Variants in SPON1 observed in about 807,000 individuals in gnomAD.
The protein encoded by SPON1 is spondin-1.
A neutral mutation model predicts 111.7 loss-of-function variants in SPON1; 52 were observed. The ratio of observed to expected loss-of-function variants is 0.47; its 90% confidence interval spans 0.37 to 0.59. The LOEUF (loss-of-function observed/expected upper bound fraction) is 0.59, where lower values mean the gene tolerates loss of function less well. Ranked by LOEUF, SPON1 falls within the 20% of genes least tolerant of loss-of-function variation. SPON1 has a pLI of 0.00. For synonymous variants in SPON1, 410 were observed against 395.8 expected (o/e 1.04, Z -0.43); for missense variants, 957 against 1,068.5 (o/e 0.90, Z 1.46).
intron 6 of SPON1, among the ~76,000 whole-genome samples, chr11:14,148,084 A>G (rs2133866932): frequency 6.6e-6 from 1 of 152,332 alleles, no homozygotes; most frequent in East Asian, 1.9e-4. Context: ...AAATTTATAT[A>G]CACAGATATA....
intron 2 of SPON1, among the ~76,000 whole-genome samples, chr11:13,992,820 C>G (rs558397808): frequency 6.6e-6 from 1 of 151,988 alleles, no homozygotes; most frequent in Admixed American, 6.5e-5. Flanking sequence ...ATTCCCTGAC[C>G]CCTTGCTCTT....
At chr11:14,003,008 T>C (rs1363098777) in intron 2 of SPON1, among the ~76,000 whole-genome samples, 1 of 152,154 alleles carries the variant, frequency 6.6e-6, no homozygotes, top group Non-Finnish European at 1.5e-5. Context: ...TGTTGTTCAC[T>C]TCTCGACCCC....
chr11:14,215,035 C>A (rs1360445181), intron 6 of SPON1, among the ~76,000 whole-genome samples: 1 of 152,078 alleles, frequency 6.6e-6, no homozygotes, highest in African/African-American at 2.4e-5. Context: ...TTCTACTCTG[C>A]CTTTTTTATG....
At chr11:14,075,766 G>C (rs377461791) in intron 4 of SPON1, among the ~76,000 whole-genome samples, 1 of 152,136 alleles carries the variant, frequency 6.6e-6, no homozygotes, top group Non-Finnish European at 1.5e-5. Flanking sequence ...AGTCTGTAAT[G>C]GTTCTTTGGA....
rs1849204383 is a variant in SPON1 at position 14,262,885 on chromosome 11, C to A, written c.2170C>A (p.Pro724Thr). 1 of 1,613,672 alleles carries A rather than the reference C, an allele frequency of 6.2e-7. No individual in the cohort carries two copies. The highest frequency in any genetic ancestry group is 1.7e-5 in the Admixed American group (1 of 59,990). Residue 724 changes from proline to threonine, a missense_variant, in exon 15 of 16, where the codon CCA becomes ACA. Pro to Thr is a conservative substitution (Grantham distance 38). Transcript: ENST00000576479. The part of the protein sequence containing the change: ...KCRIRKCLRN[P>T]SIQKLRWREA... The stretch of plus-strand genomic sequence containing the variant: ...CCGCATCCGAAAATGCCTTCGAAAT[C>A]CATCCATCCAAAAGCTACGCTGGAG...
chr11:14,075,639 T>A lies in SPON1; in HGVS notation c.553+221T>A, dbSNP rs540747798. ...GCTTGATTCCCTGGGTAGAAGATAA[T>A]GTACCTTATATTGGTGTCGTCTTCT... On this transcript the variant is annotated intron_variant, in intron 4 of 15. Transcript: ENST00000576479. Among the ~76,000 whole-genome samples, 5 of 152,332 alleles carry A rather than the reference T, an allele frequency of 3.3e-5. No individual in the cohort carries two copies. In the South Asian group the frequency reaches 1.0e-3, roughly 32 times the overall value.
chr11:14,087,516 G>A (rs532402085), intron 5 of SPON1, among the ~76,000 whole-genome samples: 1 of 152,234 alleles, frequency 6.6e-6, no homozygotes, highest in South Asian at 2.1e-4. Flanking sequence ...GAGACTGTTT[G>A]TTATGATTTC....
In SPON1 at chr11:14,259,305, G is replaced by A. The variant is rs1554941602; in HGVS notation, c.1518G>A (p.Glu506=). The change falls in exon 12 of 16, where the codon GAG becomes GAA. Residue 506 remains glutamate, a synonymous_variant. Coordinates refer to ENST00000576479, the MANE Select transcript of SPON1 (RefSeq NM_006108.4). The surrounding 1 kb of genome is among the most constrained non-coding windows in gnomAD (Gnocchi z 5.0). The stretch of plus-strand genomic sequence containing the variant: ...ACGGCTCCACCTGCACCATGTCCGA[G>A]TGGATCACCTGGTCGCCCTGCAGCA... ...DEDGSTCTMS[E]WITWSPCSIS... is the part of the protein sequence containing the mutation. The A allele has an allele frequency of 6.8e-6, 11 of 1,612,784 alleles. No homozygotes were observed. In the East Asian group the frequency reaches 2.2e-4, roughly 33 times the overall value.
intron 5 of SPON1, among the ~76,000 whole-genome samples, chr11:14,124,994 G>A (rs1847438326): frequency 1.3e-5 from 2 of 152,190 alleles, no homozygotes; most frequent in African/African-American, 4.8e-5. Flanking sequence ...GGGGATTTCT[G>A]GCCTAAATGA....
At chr11:14,153,552 C>G (rs1847810759) in intron 6 of SPON1, among the ~76,000 whole-genome samples, 1 of 152,210 alleles carries the variant, frequency 6.6e-6, no homozygotes, top group Non-Finnish European at 1.5e-5. Flanking sequence ...TCACCTCCCA[C>G]CAGACCCCTT....
In SPON1 at chr11:14,249,253, A is replaced by T. The variant is rs574057837; in HGVS notation, c.891-5275A>T. 4.6e-5 allele frequency among the ~76,000 whole-genome samples: 7 copies of T among 152,330 alleles called. No homozygotes were observed. The East Asian group carries it at 5.8e-4, about 13-fold the overall frequency. ...CCAGAAATCCAAAGCCATGCTCCCC[A>T]GGAGGCCAGAGATTTCCCTTAAATT... On this transcript the variant is annotated intron_variant, in intron 7 of 15. Transcript: ENST00000576479.
At chr11:14,188,425 A>G (rs1554934273) in intron 6 of SPON1, among the ~76,000 whole-genome samples, 1 of 152,170 alleles carries the variant, frequency 6.6e-6, no homozygotes, top group African/African-American at 2.4e-5. Context: ...TTGTGGTTTA[A>G]GTTAAGGTTA....
chr11:14,049,375 C>T (rs782114324), intron 3 of SPON1, among the ~76,000 whole-genome samples: 40 of 152,204 alleles, frequency 2.6e-4, no homozygotes, highest in Non-Finnish European at 5.9e-5. Flanking sequence ...ACCCTCTGGT[C>T]CTCCTCACGC....
chr11:14,256,438 C>T (rs529057616), intron 9 of SPON1, among the ~76,000 whole-genome samples, 179 bp from the exon 10 acceptor site: 1 of 152,272 alleles, frequency 6.6e-6, no homozygotes, highest in African/African-American at 2.4e-5. Flanking sequence ...CCCTGGTTAG[C>T]CATTCCTGCT....
At chr11:14,072,524 C>G (rs1848884961) in intron 3 of SPON1, among the ~76,000 whole-genome samples, 1 of 151,936 alleles carries the variant, frequency 6.6e-6, no homozygotes, top group Non-Finnish European at 1.5e-5. Context: ...GGAGAGGAGG[C>G]AGCACAGGCA....
At chr11:14,053,107 G>A (rs1411929872) in intron 3 of SPON1, among the ~76,000 whole-genome samples, 12 of 152,112 alleles carry the variant, frequency 7.9e-5, no homozygotes, top group African/African-American at 7.2e-5. Flanking sequence ...GGATCAAAAC[G>A]GAATGTTTCA....
At chr11:14,176,385 G>C (rs1848175111) in intron 6 of SPON1, among the ~76,000 whole-genome samples, 1 of 152,064 alleles carries the variant, frequency 6.6e-6, no homozygotes, top group South Asian at 2.1e-4. Context: ...CCAAAGCCAG[G>C]ACTCTTCCTA....
At chr11:14,200,624 G>T (rs2133896411) in intron 6 of SPON1, among the ~76,000 whole-genome samples, 1 of 151,972 alleles carries the variant, frequency 6.6e-6, no homozygotes, top group East Asian at 1.9e-4. Context: ...GACCAGCCTG[G>T]CCAACATGGG....
intron 3 of SPON1, among the ~76,000 whole-genome samples, chr11:14,052,847 G>A (rs1030157504): frequency 2.0e-5 from 3 of 152,308 alleles, no homozygotes; most frequent in East Asian, 3.9e-4. Context: ...ACAGGCTGCC[G>A]AGGAACAGGC....
Sources: gnomAD v4.1 joint callset for allele counts (sites outside exome capture counted in the v4.1 genomes callset) on GRCh38, gnomAD v4.1.1 for gene constraint, Gnocchi (gnomAD v3.1) non-coding constraint, MANE v1.5 for transcripts, NCBI Gene and HGNC (gene_info 2026-07-23, HGNC 2026-07-21) for gene names.